SEC14L1: variants seen among roughly 807,000 people sequenced by gnomAD.
The protein encoded by SEC14L1 is SEC14-like protein 1.
Under a neutral mutation model 85.3 loss-of-function variants are expected in SEC14L1, and 48 were observed. The observed-to-expected ratio is 0.56, with a 90% CI of 0.45 to 0.72. The LOEUF is 0.72. SEC14L1 is among the 30% of genes least tolerant of loss of function. The pLI is 0.00. For synonymous variants in SEC14L1, 391 were observed against 355.5 expected (o/e 1.10, Z -1.12); for missense variants, 682 against 921.4 (o/e 0.74, Z 3.36).
rs543909417 is a variant in SEC14L1 at position 77,090,308 on chromosome 17, G to A, written c.-240+1037G>A. Among the ~76,000 whole-genome samples, 7 of 149,094 alleles carry A rather than the reference G, an allele frequency of 4.7e-5. No individual in the cohort carries two copies. The South Asian group carries it at 6.5e-4, about 14-fold the overall frequency. ...CTCCATCTCAAAAAAAAAAAAAAGG[G>A]CATAATTCAAGCCAAAGTGAGTGCT... On this transcript the variant is annotated intron_variant, in intron 2 of 19. Coordinates refer to the SEC14L1 transcript ENST00000392476.
At position 77,216,441 on chromosome 17, in the gene SEC14L1, T is replaced by G; in HGVS notation, c.*2418T>G. On this transcript the variant is annotated 3_prime_UTR_variant, in exon 17 of 17. Transcript: ENST00000436233. The stretch of plus-strand genomic sequence containing the variant: ...AGGGTTCGTAGGTAGGGTTCGTAGG[T>G]AGGGTTAGTAGCGCGTCTGTGCTGC... The G allele has an allele frequency of 6.3e-7, 1 of 1,582,620 alleles. No individual in the cohort carries two copies. Among genetic ancestry groups the G allele is most frequent in the Non-Finnish European group, 8.6e-7 (1 of 1,162,636 alleles).
At chr17:77,097,532 C>T (rs1971675091) in intron 3 of SEC14L1, among the ~76,000 whole-genome samples, 1 of 151,202 alleles carries the variant, frequency 6.6e-6, no homozygotes, top group South Asian at 2.1e-4. Flanking sequence ...CCACTGCACT[C>T]CAGCCTGGCG....
chr17:77,099,910 GTTT>G (rs1555613431), intron 3 of SEC14L1, among the ~76,000 whole-genome samples: 2 of 151,154 alleles, frequency 1.3e-5, no homozygotes. Context: ...GTTTTTTGTT[GTTT>G]TTTTTTAACA....
rs1279343384 is a variant in SEC14L1 at position 77,142,716 on chromosome 17, AGT to A, written c.-64_-63del. The stretch of plus-strand genomic sequence containing the variant: ...TATCCTCTCACCATGTTCAGCATAA[AGT>A]ACCATTCTTAATGATTATCCTCAAC... On this transcript the variant is annotated 5_prime_UTR_variant, in exon 2 of 17. It removes the in-frame stop codon of an upstream open reading frame in the 5' UTR. Coordinates refer to ENST00000436233, the MANE Select transcript of SEC14L1 (RefSeq NM_001143998.2). The A allele has an allele frequency of 6.6e-6, 1 of 152,150 alleles. No homozygotes were observed. The highest frequency in any genetic ancestry group is 1.9e-4 in the East Asian group (1 of 5,194). 9.4% of individuals were successfully genotyped at this position (152,150 alleles called of 1,614,324 possible).
chr17:77,158,403 G>T (rs1030090168), intron 3 of SEC14L1, among the ~76,000 whole-genome samples: 3 of 152,158 alleles, frequency 2.0e-5, no homozygotes. Flanking sequence ...CCTCTTATGG[G>T]TAGAATGACA....
chr17:77,112,178 C>T (rs1458277811), intron 3 of SEC14L1, among the ~76,000 whole-genome samples: 2 of 152,122 alleles, frequency 1.3e-5, no homozygotes, highest in Non-Finnish European at 2.9e-5. Context: ...AAGTGCCTTT[C>T]TTCCCCTTTG....
chr17:77,110,434 T>G (rs1972020000), intron 3 of SEC14L1, among the ~76,000 whole-genome samples: 2 of 152,120 alleles, frequency 1.3e-5, no homozygotes, highest in Non-Finnish European at 2.9e-5. Context: ...ATAAAATATT[T>G]GAAGAGATTT....
chr17:77,209,446 T>G lies in SEC14L1; in HGVS notation c.1581T>G (p.Ser527=). Residue 527 remains serine, a synonymous_variant, in exon 14 of 17, where the codon TCT becomes TCG. Transcript: ENST00000436233. ...TCTGGACTGAGACCATCTACCAGTC[T>G]GCAAGCGTCTTCAAAGGAGCCCCAC... ...LKLWTETIYQ[S]ASVFKGAPHE... The G allele has an allele frequency of 2.5e-6, 4 of 1,614,208 alleles. No individual in the cohort carries two copies. Among genetic ancestry groups the G allele is most frequent in the Non-Finnish European group, 3.4e-6 (4 of 1,180,036 alleles).
At chr17:77,194,397 A>G (rs1281793328) in intron 6 of SEC14L1, among the ~76,000 whole-genome samples, 1 of 152,158 alleles carries the variant, frequency 6.6e-6, no homozygotes, top group Non-Finnish European at 1.5e-5. Flanking sequence ...TTTACAAAGA[A>G]TACAAAAATT....
At chr17:77,212,682 C>T (rs925363769) in intron 15 of SEC14L1, 1 of 176,270 alleles carries the variant, frequency 5.7e-6, no homozygotes, top group Non-Finnish European at 1.2e-5. Context: ...TCACAGTAGC[C>T]TCGGGGCGGG....
At chr17:77,095,252 C>T (rs1598211086) in intron 3 of SEC14L1, among the ~76,000 whole-genome samples, 1 of 152,330 alleles carries the variant, frequency 6.6e-6, no homozygotes, top group African/African-American at 2.4e-5. Context: ...GAGCTTTCCT[C>T]ATTATCACCC....
intron 3 of SEC14L1, chr17:77,143,936 T>C (rs1263161861): frequency 3.2e-6 from 1 of 312,880 alleles, no homozygotes; most frequent in African/African-American, 2.3e-5. Flanking sequence ...TTCTAAGCAC[T>C]TCTTCCTCGG....
At chr17:77,119,439 C>T (rs963529983) in intron 3 of SEC14L1, among the ~76,000 whole-genome samples, 21 of 152,138 alleles carry the variant, frequency 1.4e-4, no homozygotes, top group African/African-American at 5.1e-4. Flanking sequence ...TTTCAAATCA[C>T]ACCTGGTCCT....
chr17:77,171,116 G>GTT (rs60530098), intron 3 of SEC14L1, among the ~76,000 whole-genome samples: 28 of 151,684 alleles, frequency 1.8e-4, no homozygotes, highest in African/African-American at 6.8e-4. Flanking sequence ...TGATTTATTA[G>GTT]TTTTTTTTGC....
intron 3 of SEC14L1, among the ~76,000 whole-genome samples, chr17:77,184,163 T>A (rs1598359834): frequency 2.0e-5 from 3 of 152,320 alleles, no homozygotes; most frequent in Non-Finnish European, 4.4e-5. Flanking sequence ...TGTGTCTGCT[T>A]CCGCTGCATC....
At chr17:77,176,291 G>GA (rs921736760) in intron 3 of SEC14L1, among the ~76,000 whole-genome samples, 21 of 145,272 alleles carry the variant, frequency 1.4e-4, no homozygotes, top group South Asian at 8.7e-4. Context: ...ACTCAGTCTT[G>GA]AAAAAAAAAA....
intron 8 of SEC14L1, among the ~76,000 whole-genome samples, chr17:77,197,700 C>G (rs1382833738): frequency 6.6e-6 from 1 of 151,972 alleles, no homozygotes; most frequent in African/African-American, 2.4e-5. Context: ...ATCTCTGTCT[C>G]CCAGGTTCAG....
intron 3 of SEC14L1, among the ~76,000 whole-genome samples, chr17:77,154,523 ATTTT>A (rs1038324199): frequency 2.6e-5 from 4 of 152,178 alleles, no homozygotes; most frequent in Admixed American, 1.3e-4. Flanking sequence ...ATGCCACTCC[ATTTT>A]TATATCAGGG....
At chr17:77,131,026 C>T (rs1472808122) in intron 3 of SEC14L1, among the ~76,000 whole-genome samples, 1 of 152,130 alleles carries the variant, frequency 6.6e-6, no homozygotes, top group East Asian at 1.9e-4. Context: ...GACGATGGTA[C>T]CCAAGCAACT....
Sources: gnomAD v4.1 joint callset for allele counts (sites outside exome capture counted in the v4.1 genomes callset) on GRCh38, gnomAD v4.1.1 for gene constraint, MANE v1.5 for transcripts, NCBI Gene and HGNC (gene_info 2026-07-23, HGNC 2026-07-21) for gene names.